Variants in FBN2 observed in about 807,000 individuals in gnomAD.
FBN2 encodes the protein fibrillin-2.
Under a neutral mutation model 355.6 loss-of-function variants are expected in FBN2, and 105 were observed. The observed-to-expected ratio is 0.30, with a 90% confidence interval of 0.25 to 0.35. The LOEUF is 0.35. FBN2 is among the 10% of genes least tolerant of loss of function. The pLI, the probability that FBN2 is intolerant of heterozygous loss-of-function variation, is 1.00. For synonymous variants in FBN2, 1,350 were observed against 1,301.2 expected (o/e 1.04, Z -0.81); for missense variants, 3,280 against 3,758.7 (o/e 0.87, Z 3.33).
chr5:128,262,381 A>C (rs1369148132), intron 63 of FBN2, among the ~76,000 whole-genome samples: 2 of 152,134 alleles, frequency 1.3e-5, no homozygotes, highest in Non-Finnish European at 2.9e-5. Flanking sequence ...ACAATAGATA[A>C]ACTTTTCCCT....
rs776040052 is a variant in FBN2 at position 128,312,789 on chromosome 5, C to G, written c.4724G>C (p.Arg1575Pro). Residue 1575 changes from arginine to proline, a missense_variant, in exon 37 of 65, where the codon CGT becomes CCT. Coordinates refer to ENST00000262464, the MANE Select transcript of FBN2 (RefSeq NM_001999.4). ...AAACTTCAGGTAGCAGTTGCCCACACGGTTGTCTGCAGAGCAACAAAGGAG... is the reference window on the plus strand; with the variant it reads ...AAACTTCAGGTAGCAGTTGCCCACAGGGTTGTCTGCAGAGCAACAAAGGAG... ...NPTGVGCVDN[R>P]VGNCYLKFGP... The G allele has an allele frequency of 6.2e-7, 1 of 1,613,614 alleles. No individual in the cohort carries two copies. The highest frequency in any genetic ancestry group is 8.5e-7 in the Non-Finnish European group (1 of 1,180,016).
intron 7 of FBN2, among the ~76,000 whole-genome samples, chr5:128,418,789 T>C (rs1159770139): frequency 6.6e-6 from 1 of 152,202 alleles, no homozygotes; most frequent in Non-Finnish European, 1.5e-5. Context: ...TAACATATGG[T>C]CTCTATCCTG....
intron 8 of FBN2, among the ~76,000 whole-genome samples, chr5:128,405,969 G>C (rs537310854): frequency 6.6e-6 from 1 of 152,148 alleles, no homozygotes; most frequent in Non-Finnish European, 1.5e-5. Flanking sequence ...CCACGGCGAC[G>C]TTTCTCCTAA....
chr5:128,412,583 C>T (rs1279011562), intron 7 of FBN2, among the ~76,000 whole-genome samples: 2 of 152,132 alleles, frequency 1.3e-5, no homozygotes, highest in Non-Finnish European at 2.9e-5. Flanking sequence ...ACAACAACAA[C>T]AACAACAACA....
chr5:128,387,732 T>C (rs78728472), intron 11 of FBN2, among the ~76,000 whole-genome samples: 16,307 of 152,204 alleles, frequency 0.11, 1,007 homozygotes, highest in African/African-American at 0.16. Flanking sequence ...TTCATTTTTC[T>C]TGAATATACT....
chr5:128,291,749 A>G, intron 48 of FBN2, 95 bp from the exon 49 acceptor site: 1 of 1,129,484 alleles, frequency 8.9e-7, no homozygotes, highest in Non-Finnish European at 1.3e-6. Flanking sequence ...GATATTTCAG[A>G]CAAGAGATAT....
intron 20 of FBN2, 30 bp downstream of exon 20, chr5:128,357,246 T>G: frequency 6.2e-7 from 1 of 1,613,486 alleles, no homozygotes; most frequent in Non-Finnish European, 8.5e-7. Flanking sequence ...GCAGTGAAAT[T>G]GAAGCATCAG....
At position 128,338,121 on chromosome 5, in the gene FBN2, G is replaced by A; in HGVS notation, c.3474C>T (p.Asp1158=). The change falls in exon 27 of 65, where the codon GAC becomes GAT. Residue 1158 remains aspartate (D), a splice_region_variant and synonymous_variant. Coordinates refer to ENST00000262464, the MANE Select transcript of FBN2 (RefSeq NM_001999.4). Reference sequence around the variant, plus strand: ...GAGGGTTACGTTCACATTCGTCAATGTCTGAAAGGTAAAAACGTGAGATCC... The same window carrying A: ...GAGGGTTACGTTCACATTCGTCAATATCTGAAAGGTAAAAACGTGAGATCC... The part of the protein sequence containing the change: ...SGFMMMKNCM[D]IDECERNPLL... 2.5e-6 allele frequency: 4 copies of A among 1,613,858 alleles called. No individual in the cohort carries two copies. Among genetic ancestry groups the A allele is most frequent in the Non-Finnish European group, 3.4e-6 (4 of 1,179,808 alleles).
rs926746786 is a variant in FBN2, at chr5:128,329,617, C to T, written c.4346-796G>A. On this transcript the variant is annotated intron_variant, in intron 33 of 64. Transcript: ENST00000262464. ...AGATGTGTCTGACATGAAAGCCATGCTCTTTCCTTGACACCACAGTGCGGA... is the reference window on the plus strand; with the variant it reads ...AGATGTGTCTGACATGAAAGCCATGTTCTTTCCTTGACACCACAGTGCGGA... Among the ~76,000 whole-genome samples, 14 of 152,182 alleles carry T rather than the reference C, an allele frequency of 9.2e-5. No homozygotes were observed. The East Asian group carries it at 1.2e-3, about 13-fold the overall frequency.
intron 14 of FBN2, among the ~76,000 whole-genome samples, chr5:128,375,406 T>C (rs1213012383): frequency 3.3e-5 from 5 of 152,192 alleles, no homozygotes; most frequent in Non-Finnish European, 7.3e-5. Context: ...AGTCACATAC[T>C]GTAACATAAT....
chr5:128,483,354 T>C (rs753459704), intron 5 of FBN2, among the ~76,000 whole-genome samples: 1 of 151,996 alleles, frequency 6.6e-6, no homozygotes, highest in Non-Finnish European at 1.5e-5. Flanking sequence ...ATAAAATATA[T>C]GAACAAGGAA....
At chr5:128,473,117 TTCTGTAA>T (rs1180032754) in intron 5 of FBN2, among the ~76,000 whole-genome samples, 1 of 152,150 alleles carries the variant, frequency 6.6e-6, no homozygotes, top group Non-Finnish European at 1.5e-5. Flanking sequence ...TGGCAAGTTT[TTCTGTAA>T]TCTAATTCCT....
chr5:128,364,545 T>C (rs1313383335), intron 18 of FBN2, 55 bp downstream of exon 18: 1 of 1,541,508 alleles, frequency 6.5e-7, no homozygotes, highest in Non-Finnish European at 8.9e-7. Flanking sequence ...TCTAATATAA[T>C]CCATGGGATT....
chr5:128,372,182 C>T (rs1400610578), intron 15 of FBN2, among the ~76,000 whole-genome samples: 1 of 152,160 alleles, frequency 6.6e-6, no homozygotes, highest in African/African-American at 2.4e-5. Context: ...AATTTTTTGT[C>T]ACTTAAGAAT....
chr5:128,266,814 TAAA>T (rs1765123575), intron 62 of FBN2, among the ~76,000 whole-genome samples: 1 of 150,976 alleles, frequency 6.6e-6, no homozygotes, highest in Admixed American at 6.6e-5. Flanking sequence ...TGTAATATAA[TAAA>T]ATTGTTTTAT....
intron 6 of FBN2, among the ~76,000 whole-genome samples, chr5:128,458,247 A>G (rs1349055885): frequency 1.3e-5 from 2 of 152,110 alleles, no homozygotes; most frequent in Admixed American, 1.3e-4. Context: ...GGTAAAGGGA[A>G]CAATTCAACA....
At chr5:128,359,563 G>A (rs115471452) in intron 19 of FBN2, among the ~76,000 whole-genome samples, 214 of 151,980 alleles carry the variant, frequency 1.4e-3, no homozygotes, top group Non-Finnish European at 2.7e-3. Context: ...ATGTCATAAG[G>A]CTGGAGCCAA....
Position 128,263,509 on chromosome 5 carries a change from T to C in FBN2, c.8108A>G (p.Lys2703Arg), listed in dbSNP as rs773837424. The change falls in exon 63 of 65, where the codon AAG becomes AGG. Residue 2703 changes from lysine to arginine, a missense_variant. By Grantham distance (26) the Lys-to-Arg change is conservative. Coordinates refer to ENST00000262464, the MANE Select transcript of FBN2 (RefSeq NM_001999.4). ...CHDVNECSSS[K>R]NPCNYGCSNT... ...AGAGCAGCCGTAATTGCAGGGGTTCTTGGAGGACGAGCACTCATTCACGTC... is the reference window on the plus strand; with the variant it reads ...AGAGCAGCCGTAATTGCAGGGGTTCCTGGAGGACGAGCACTCATTCACGTC... The C allele has an allele frequency of 1.9e-6, 3 of 1,614,096 alleles. No individual in the cohort carries two copies. The highest frequency in any genetic ancestry group is 2.5e-6 in the Non-Finnish European group (3 of 1,180,010).
chr5:128,478,181 C>T (rs7713256), intron 5 of FBN2, among the ~76,000 whole-genome samples: 53,989 of 151,956 alleles, frequency 0.36, 11,912 homozygotes, highest in African/African-American at 0.63. Flanking sequence ...ATTTTTGCAA[C>T]GCTGAGGGAG....
Sources: gnomAD v4.1 joint callset for allele counts (sites outside exome capture counted in the v4.1 genomes callset) on GRCh38, gnomAD v4.1.1 for gene constraint, MANE v1.5 for transcripts, NCBI Gene and HGNC (gene_info 2026-07-23, HGNC 2026-07-21) for gene names.